The following SEMA6A variants were observed in gnomAD, a reference collection of about 807,000 sequenced individuals.
SEMA6A encodes the protein semaphorin-6A.
A neutral mutation model predicts 96.8 loss-of-function variants in SEMA6A; 25 were observed. The observed-to-expected ratio is 0.26, with a 90% CI of 0.19 to 0.36. The LOEUF (loss-of-function observed/expected upper bound fraction) is 0.36. Among genes scored for constraint, SEMA6A ranks in the 10% least tolerant of loss-of-function variants. The probability of loss-of-function intolerance (pLI) is 1.00; values close to 1 mark genes in which losing one functional copy is unlikely to be tolerated. For synonymous variants in SEMA6A, 612 were observed against 518.0 expected (o/e 1.18, Z -2.46); for missense variants, 1,363 against 1,323.1 (o/e 1.03, Z -0.47).
intron 3 of SEMA6A, among the ~76,000 whole-genome samples, chr5:116,499,467 C>T (rs1757768668): frequency 6.6e-6 from 1 of 152,184 alleles, no homozygotes; most frequent in Admixed American, 6.5e-5. Flanking sequence ...AATCGTGTTA[C>T]TTGCTGCCTA....
At chr5:116,536,639 CAAT>C (rs1175169444) in intron 1 of SEMA6A, among the ~76,000 whole-genome samples, 1 of 152,098 alleles carries the variant, frequency 6.6e-6, no homozygotes, top group Non-Finnish European at 1.5e-5. Context: ...CCACAAACTG[CAAT>C]ATGCTTATCA....
intron 1 of SEMA6A, among the ~76,000 whole-genome samples, chr5:116,544,509 G>A (rs962131812): frequency 6.6e-6 from 1 of 151,592 alleles, no homozygotes; most frequent in Non-Finnish European, 1.5e-5. Context: ...ATGTTGCCTA[G>A]GCTGGTCTCA....
chr5:116,469,834 A>G (rs1476000254), intron 17 of SEMA6A, among the ~76,000 whole-genome samples: 1 of 152,228 alleles, frequency 6.6e-6, no homozygotes, highest in Non-Finnish European at 1.5e-5. Context: ...AGCTATGGCT[A>G]TGAGAGGAAA....
At chr5:116,515,030 T>A (rs1375598955) in intron 1 of SEMA6A, among the ~76,000 whole-genome samples, 1 of 152,246 alleles carries the variant, frequency 6.6e-6, no homozygotes, top group African/African-American at 2.4e-5. Flanking sequence ...GTGGGATGAC[T>A]GGCAAAGGCT....
At chr5:116,545,182 A>G (rs950818628) in intron 1 of SEMA6A, among the ~76,000 whole-genome samples, 2 of 152,180 alleles carry the variant, frequency 1.3e-5, no homozygotes, top group Admixed American at 1.3e-4. Context: ...GCTCTCTTTG[A>G]AATAGCCAGT....
At chr5:116,488,859 G>A (rs371023836) in intron 8 of SEMA6A, 29 bp downstream of exon 8, 195 of 1,541,428 alleles carry the variant, frequency 1.3e-4, no homozygotes, top group Non-Finnish European at 1.6e-4. Context: ...CCTCCCCTCC[G>A]ACCCTCCTTC....
chr5:116,511,463 C>G (rs1561507933), intron 1 of SEMA6A, among the ~76,000 whole-genome samples: 1 of 152,074 alleles, frequency 6.6e-6, no homozygotes, highest in Admixed American at 6.6e-5. Flanking sequence ...TGTATAATGC[C>G]AAAGTTTATG....
In SEMA6A at chr5:116,446,697, C is replaced by T. The variant is rs559240638; in HGVS notation, c.3009G>A (p.Thr1003=). 1.2e-5 allele frequency: 19 copies of T among 1,584,396 alleles called. No individual in the cohort carries two copies. The highest frequency in any genetic ancestry group is 1.3e-5 in the Non-Finnish European group (15 of 1,164,478). The change falls in exon 19 of 19, where the codon ACG becomes ACA. Residue 1003 remains threonine, a synonymous_variant. Transcript: ENST00000343348. ...NSLTRSGLKR[T]PSLKPDVPPK... is the part of the protein sequence containing the mutation. ...GGGGTACGTCCGGCTTTAGCGAGGG[C>T]GTACGCTTCAGCCCCGACCTTGTCA...
chr5:116,483,143 T>G (rs923682692), intron 10 of SEMA6A, among the ~76,000 whole-genome samples: 3 of 152,232 alleles, frequency 2.0e-5, no homozygotes, highest in African/African-American at 7.2e-5. Context: ...CTAAACAATT[T>G]AAGTTTCTAA....
intron 15 of SEMA6A, among the ~76,000 whole-genome samples, chr5:116,477,184 G>A (rs1262164215): frequency 6.6e-6 from 1 of 152,164 alleles, no homozygotes; most frequent in Non-Finnish European, 1.5e-5. Flanking sequence ...ATCCACTGAA[G>A]TAAAAGCATA....
intron 1 of SEMA6A, among the ~76,000 whole-genome samples, chr5:116,558,034 A>G (rs548217921): frequency 6.6e-6 from 1 of 152,368 alleles, no homozygotes; most frequent in Admixed American, 6.5e-5. Flanking sequence ...CTTAATGTTT[A>G]CTTCTAATAT....
intron 1 of SEMA6A, among the ~76,000 whole-genome samples, chr5:116,545,220 G>C (rs1341077101): frequency 6.6e-6 from 1 of 152,186 alleles, no homozygotes; most frequent in East Asian, 1.9e-4. Flanking sequence ...GTGCGGTCTG[G>C]CTCCAGCCAA....
At chr5:116,541,868 G>C (rs183663288) in intron 1 of SEMA6A, among the ~76,000 whole-genome samples, 1 of 151,970 alleles carries the variant, frequency 6.6e-6, no homozygotes, top group African/African-American at 2.4e-5. Flanking sequence ...AAAAAATAGC[G>C]TGAACTCGGT....
chr5:116,517,186 A>G (rs549934216), intron 1 of SEMA6A, among the ~76,000 whole-genome samples: 1 of 152,266 alleles, frequency 6.6e-6, no homozygotes, highest in African/African-American at 2.4e-5. Flanking sequence ...TAGGATGAAT[A>G]TTTATGCATT....
At position 116,476,869 on chromosome 5, in the gene SEMA6A, C is replaced by A. The variant is rs866644255; in HGVS notation, c.1649+977G>T. 1.2e-3 allele frequency among the ~76,000 whole-genome samples: 177 copies of A among 152,224 alleles called. 2 individuals are homozygous for A. Among genetic ancestry groups the A allele is most frequent in the African/African-American group, 4.0e-3 (167 of 41,452 alleles). On this transcript the variant is annotated intron_variant, in intron 15 of 18. Coordinates refer to ENST00000343348, the MANE Select transcript of SEMA6A (RefSeq NM_020796.5). The stretch of plus-strand genomic sequence containing the variant: ...TAATATACAGAGACTCAACCTTTTG[C>A]ATTAGTCAAATTTCTAGGTCAGATT...
intron 1 of SEMA6A, among the ~76,000 whole-genome samples, chr5:116,547,076 T>G (rs1476115479): frequency 6.6e-6 from 1 of 152,230 alleles, no homozygotes; most frequent in African/African-American, 2.4e-5. Context: ...GTCATTTCTG[T>G]TTGCTGTTTG....
At chr5:116,527,655 T>C (rs1451681230) in intron 1 of SEMA6A, among the ~76,000 whole-genome samples, 1 of 152,218 alleles carries the variant, frequency 6.6e-6, no homozygotes, top group African/African-American at 2.4e-5. Context: ...TTTTCTAACA[T>C]ATTCTTTGTG....
rs181158360 is a variant in SEMA6A at position 116,507,016 on chromosome 5, G to A, written c.-38-2034C>T. On this transcript the variant is annotated intron_variant, in intron 1 of 18. Transcript: ENST00000343348. ...CATCTTAAGATTGCATGTGTCAAAT[G>A]CAAAATTCTCAACCCCAGAAGCTGG... Among the ~76,000 whole-genome samples, 6 of 152,230 alleles carry A rather than the reference G, an allele frequency of 3.9e-5. No individual in the cohort carries two copies. The East Asian group carries it at 7.7e-4, about 20-fold the overall frequency.
At chr5:116,508,225 A>G (rs1758240725) in intron 1 of SEMA6A, 1 of 152,222 alleles carries the variant, frequency 6.6e-6, no homozygotes. Context: ...GTGTGAATGC[A>G]TTCACGCTGA....
Sources: allele counts gnomAD v4.1 joint callset (sites outside exome capture counted in the v4.1 genomes callset), GRCh38; gene constraint gnomAD v4.1.1; transcripts MANE v1.5; gene names NCBI Gene and HGNC (gene_info 2026-07-23, HGNC 2026-07-21).